The following TRAPPC9 variants were observed in gnomAD, a reference collection of about 807,000 sequenced individuals.
The protein encoded by TRAPPC9 is trafficking protein particle complex subunit 9, also known as IKK2 binding protein.
TRAPPC9 carries 83 observed loss-of-function variants against 124.0 expected under a neutral mutation model. The ratio of observed to expected loss-of-function variants is 0.67; its 90% CI spans 0.56 to 0.80. The LOEUF is 0.80. Among genes scored for constraint, TRAPPC9 ranks in the 30% least tolerant of loss-of-function variants. The probability of loss-of-function intolerance (pLI) is 0.00; values close to 1 mark genes in which losing one functional copy is unlikely to be tolerated. For missense variants in TRAPPC9, 1,302 were observed against 1,508.3 expected (o/e 0.86, Z 2.27); for synonymous variants, 638 against 617.5 (o/e 1.03, Z -0.49).
intron 21 of TRAPPC9, among the ~76,000 whole-genome samples, chr8:139,824,036 T>A (rs1372126036): frequency 6.6e-6 from 1 of 152,220 alleles, no homozygotes; most frequent in African/African-American, 2.4e-5. Context: ...GCAGTTTACA[T>A]GGGGCTCTCA....
At chr8:140,144,648 C>G (rs1344399193) in intron 17 of TRAPPC9, among the ~76,000 whole-genome samples, 2 of 152,082 alleles carry the variant, frequency 1.3e-5, no homozygotes, top group Non-Finnish European at 2.9e-5. Context: ...GCCACCACAC[C>G]CAGCTAACTT....
At chr8:140,116,241 C>T (rs1191967289) in intron 17 of TRAPPC9, among the ~76,000 whole-genome samples, 4 of 152,118 alleles carry the variant, frequency 2.6e-5, no homozygotes, top group Non-Finnish European at 5.9e-5. Context: ...GAGATGTGAT[C>T]GTACCAGCAT....
At chr8:139,774,652 G>A (rs1336414617) in intron 21 of TRAPPC9, among the ~76,000 whole-genome samples, 1 of 152,208 alleles carries the variant, frequency 6.6e-6, no homozygotes, top group African/African-American at 2.4e-5. Context: ...ACATGGCCAG[G>A]AGCAGGTGCT....
intron 15 of TRAPPC9, among the ~76,000 whole-genome samples, chr8:140,267,085 G>C (rs118125322): frequency 0.019 from 2,833 of 152,300 alleles, 46 homozygotes; most frequent in Middle Eastern, 0.082. Context: ...GCGAAGATGA[G>C]AGGAGAAAAC....
At chr8:140,175,822 C>T (rs1359244945) in intron 17 of TRAPPC9, among the ~76,000 whole-genome samples, 1 of 152,230 alleles carries the variant, frequency 6.6e-6, no homozygotes, top group African/African-American at 2.4e-5. Context: ...CAAACATTTA[C>T]TAAGGATCAG....
At chr8:139,982,264 C>T (rs1213051726) in intron 19 of TRAPPC9, among the ~76,000 whole-genome samples, 1 of 152,156 alleles carries the variant, frequency 6.6e-6, no homozygotes, top group East Asian at 1.9e-4. Context: ...ATTCTGGGAA[C>T]GCAGCCTAGG....
chr8:140,029,179 C>G (rs1162135665), intron 17 of TRAPPC9, among the ~76,000 whole-genome samples: 2 of 152,156 alleles, frequency 1.3e-5, no homozygotes, highest in Non-Finnish European at 2.9e-5. Context: ...TCTGAAGAGC[C>G]TCATGCCAAT....
chr8:140,418,755 TAGATAGATAGATAGATAGAC>T lies in TRAPPC9; in HGVS notation c.886+7840_886+7859del, dbSNP rs1394711972. ...ATAGATAGATAGATAGATAGATAGA[TAGATAGATAGATAGATAGAC>T]AGACAGACAGACAGATGCAAATATC... On this transcript the variant is annotated intron_variant, in intron 5 of 22. Coordinates refer to ENST00000438773, the MANE Select transcript of TRAPPC9 (RefSeq NM_001160372.4). 3.1e-4 allele frequency among the ~76,000 whole-genome samples: 47 copies of T among 150,104 alleles called. 1 individual carries two copies. The highest frequency in any genetic ancestry group is 3.0e-3 in the Admixed American group (45 of 14,950).
intron 21 of TRAPPC9, among the ~76,000 whole-genome samples, chr8:139,800,230 C>T (rs1823388716): frequency 6.6e-6 from 1 of 152,254 alleles, no homozygotes; most frequent in South Asian, 2.1e-4. Context: ...GCTGACTACA[C>T]ATGTGGTAGC....
At chr8:140,226,358 G>A (rs2063451141) in intron 16 of TRAPPC9, among the ~76,000 whole-genome samples, 1 of 152,148 alleles carries the variant, frequency 6.6e-6, no homozygotes, top group Non-Finnish European at 1.5e-5. Context: ...TTAGGAGGCT[G>A]AGGTGGGCGG....
chr8:139,911,460 T>C (rs567777039), intron 19 of TRAPPC9, among the ~76,000 whole-genome samples: 1 of 152,232 alleles, frequency 6.6e-6, no homozygotes, highest in South Asian at 2.1e-4. Flanking sequence ...TCCCAGCACT[T>C]TGGGAGGCCG....
At chr8:140,357,546 C>T (rs1415146281) in intron 9 of TRAPPC9, among the ~76,000 whole-genome samples, 1 of 151,860 alleles carries the variant, frequency 6.6e-6, no homozygotes, top group Non-Finnish European at 1.5e-5. Context: ...CCAGGCACTA[C>T]CTCTTTAGAT....
intron 21 of TRAPPC9, among the ~76,000 whole-genome samples, chr8:139,755,592 G>A: frequency 1.1e-5 from 1 of 92,580 alleles, no homozygotes; most frequent in Non-Finnish European, 2.0e-5. Context: ...AAGGACAGCA[G>A]GTCGCAGGAG....
At position 140,240,849 on chromosome 8, in the gene TRAPPC9, T is replaced by C. The variant is rs531824853; in HGVS notation, c.2431+11928A>G. On this transcript the variant is annotated intron_variant, in intron 16 of 22. Transcript: ENST00000438773. ...GCCACTGCACCCAGCCCCACTCACC[T>C]TCTTAAAACAGAGTTTCCCATCATA... Among the ~76,000 whole-genome samples the C allele has an allele frequency of 1.4e-4, 22 of 152,308 alleles. No individual in the cohort carries two copies. In the East Asian group the frequency reaches 3.3e-3, roughly 23 times the overall value.
chr8:139,973,628 AAAG>A (rs1836244121), intron 19 of TRAPPC9, among the ~76,000 whole-genome samples: 1 of 152,228 alleles, frequency 6.6e-6, no homozygotes, highest in African/African-American at 2.4e-5. Context: ...CGAATGAACA[AAAG>A]TAGTTTCCGG....
At chr8:140,006,912 G>A (rs995903265) in intron 18 of TRAPPC9, among the ~76,000 whole-genome samples, 4 of 152,106 alleles carry the variant, frequency 2.6e-5, no homozygotes, top group East Asian at 1.9e-4. Context: ...TTGTTGTGAC[G>A]GCTAAACAAC....
chr8:139,730,750 G>A lies in TRAPPC9; in HGVS notation c.*311C>T, dbSNP rs919441234. The A allele has an allele frequency of 3.8e-5, 16 of 419,494 alleles. No individual in the cohort carries two copies. The highest frequency in any genetic ancestry group is 3.0e-4 in the African/African-American group (15 of 49,982). The allele number at this position is 419,494 out of a possible 1,614,324, so 26.0% of individuals were successfully genotyped here. On this transcript the variant is annotated 3_prime_UTR_variant, in exon 23 of 23. Coordinates refer to ENST00000438773, the MANE Select transcript of TRAPPC9 (RefSeq NM_001160372.4). ...AGCACGGCTGGGGCCCCAGGTCACA[G>A]AAATGGGTGCAGGGATCCTGGGACC...
intron 21 of TRAPPC9, among the ~76,000 whole-genome samples, chr8:139,804,501 ACCAC>A (rs1563827293): frequency 1.0e-5 from 1 of 98,060 alleles, no homozygotes; most frequent in Non-Finnish European, 2.0e-5. Flanking sequence ...CACACACACA[ACCAC>A]TACCACCCAC....
At chr8:140,292,881 A>C (rs2065701178) in intron 11 of TRAPPC9, among the ~76,000 whole-genome samples, 1 of 143,144 alleles carries the variant, frequency 7.0e-6, no homozygotes, top group Non-Finnish European at 1.5e-5. Context: ...TAATTAAACT[A>C]AAGAGCTTCT....
Sources: allele counts gnomAD v4.1 joint callset (sites outside exome capture counted in the v4.1 genomes callset), GRCh38; gene constraint gnomAD v4.1.1; transcripts MANE v1.5; gene names NCBI Gene and HGNC (gene_info 2026-07-23, HGNC 2026-07-21).